Variants in PCDH15 observed in about 807,000 individuals in gnomAD.
PCDH15 encodes protocadherin-15.
Under a neutral mutation model 178.5 loss-of-function variants are expected in PCDH15, and 129 were observed. The observed-to-expected ratio is 0.72, with a 90% confidence interval of 0.63 to 0.84. PCDH15 has a LOEUF of 0.84. Ranked by LOEUF, PCDH15 falls within the 40% of genes least tolerant of loss-of-function variation. PCDH15 has a pLI of 0.00. For synonymous variants in PCDH15, 800 were observed against 732.0 expected, an observed-to-expected ratio of 1.09 and a Z score of -1.50; for missense variants, 2,230 against 2,099.9, an observed-to-expected ratio of 1.06 and a Z score of -1.21.
chr10:54,565,475 A>G (rs370657174), intron 2 of PCDH15, among the ~76,000 whole-genome samples: 7 of 152,104 alleles, frequency 4.6e-5, no homozygotes, highest in African/African-American at 9.7e-5. Context: ...TAACTATTGC[A>G]CTGTATTTAT....
chr10:55,463,704 C>A (rs1225416550), intron 2 of PCDH15, among the ~76,000 whole-genome samples: 1 of 151,810 alleles, frequency 6.6e-6, no homozygotes, highest in African/African-American at 2.4e-5. Context: ...GTCTTAACTT[C>A]AGCATTACAT....
chr10:54,714,786 T>TTC (rs2095460847), intron 1 of PCDH15, among the ~76,000 whole-genome samples: 2 of 152,154 alleles, frequency 1.3e-5, no homozygotes, highest in Non-Finnish European at 2.9e-5. Context: ...TCCCAAACTA[T>TTC]AACCTTTTGA....
At chr10:54,917,617 T>C (rs1837375059) in intron 2 of PCDH15, among the ~76,000 whole-genome samples, 1 of 152,178 alleles carries the variant, frequency 6.6e-6, no homozygotes, top group Non-Finnish European at 1.5e-5. Flanking sequence ...GGCTAGAAAC[T>C]ATGCTCTGTG....
chr10:53,931,800 C>A (rs897514916), intron 25 of PCDH15, among the ~76,000 whole-genome samples: 1 of 152,024 alleles, frequency 6.6e-6, no homozygotes, highest in East Asian at 1.9e-4. Context: ...TCTAATACTC[C>A]AAATTTCATT....
intron 2 of PCDH15, among the ~76,000 whole-genome samples, chr10:55,364,860 G>T (rs535910989): frequency 1.3e-5 from 2 of 151,902 alleles, no homozygotes; most frequent in East Asian, 1.9e-4. Context: ...CTGCTATTGA[G>T]CCCTGTATTT....
chr10:55,516,758 C>A (rs532676881), intron 2 of PCDH15, among the ~76,000 whole-genome samples: 1 of 152,142 alleles, frequency 6.6e-6, no homozygotes, highest in Admixed American at 6.5e-5. Flanking sequence ...ATATTTAGTG[C>A]TTTGTGACTG....
intron 30 of PCDH15, among the ~76,000 whole-genome samples, chr10:53,829,771 A>G (rs554441008): frequency 2.6e-5 from 4 of 152,312 alleles, no homozygotes; most frequent in Non-Finnish European, 5.9e-5. Flanking sequence ...GAATGGAGTC[A>G]TGCAGCAAGC....
intron 21 of PCDH15, among the ~76,000 whole-genome samples, chr10:53,986,337 T>C (rs949706647): frequency 1.3e-5 from 2 of 152,184 alleles, no homozygotes; most frequent in Non-Finnish European, 2.9e-5. Flanking sequence ...TTAGCAAGAA[T>C]GTGAAGAAAT....
In PCDH15 at chr10:54,574,904, T is replaced by G. The variant is rs564925785; in HGVS notation, c.92-47027A>C. On this transcript the variant is annotated intron_variant, in intron 2 of 37. Transcript: ENST00000644397. ...AGCAAAGACTTGGAACCAACCCAAA[T>G]GTCCAACAATGATAGACTGGATTAA... 1.8e-3 allele frequency among the ~76,000 whole-genome samples: 268 copies of G among 146,772 alleles called. 1 individual carries two copies. Among genetic ancestry groups the G allele is most frequent in the African/African-American group, 6.6e-3 (263 of 40,114 alleles).
intron 2 of PCDH15, among the ~76,000 whole-genome samples, chr10:55,474,860 A>C (rs1174337801): frequency 6.6e-6 from 1 of 152,124 alleles, no homozygotes; most frequent in African/African-American, 2.4e-5. Context: ...TTCTGCCTTC[A>C]AAATATACTC....
At chr10:55,260,386 G>C (rs1438142698) in intron 1 of PCDH15, among the ~76,000 whole-genome samples, 1 of 151,648 alleles carries the variant, frequency 6.6e-6, no homozygotes, top group Non-Finnish European at 1.5e-5. Context: ...AGAGATGCTG[G>C]TAAGCAAAAA....
intron 2 of PCDH15, among the ~76,000 whole-genome samples, chr10:55,077,937 T>C (rs1841950163): frequency 6.6e-6 from 1 of 152,232 alleles, no homozygotes; most frequent in Non-Finnish European, 1.5e-5. Flanking sequence ...TTGTATATTC[T>C]CATGATGGCA....
At chr10:55,250,095 T>G (rs564320627) in intron 1 of PCDH15, among the ~76,000 whole-genome samples, 3 of 152,134 alleles carry the variant, frequency 2.0e-5, no homozygotes, top group South Asian at 2.1e-4. Flanking sequence ...GTTTTTCTTA[T>G]TCTGCTTAGA....
intron 13 of PCDH15, among the ~76,000 whole-genome samples, chr10:54,178,516 A>C (rs1172190884): frequency 6.6e-6 from 1 of 152,128 alleles, no homozygotes; most frequent in Admixed American, 6.6e-5. Flanking sequence ...AAAATAGAAT[A>C]ATTGGTGGAG....
At chr10:54,031,322 C>T (rs2093287923) in intron 18 of PCDH15, among the ~76,000 whole-genome samples, 1 of 151,932 alleles carries the variant, frequency 6.6e-6, no homozygotes, top group Non-Finnish European at 1.5e-5. Flanking sequence ...ATCTGGGAAA[C>T]CTCTTCTTTC....
intron 1 of PCDH15, among the ~76,000 whole-genome samples, chr10:55,308,553 C>G (rs1843490880): frequency 6.6e-6 from 1 of 152,118 alleles, no homozygotes; most frequent in Non-Finnish European, 1.5e-5. Context: ...ATACAGAGAT[C>G]AGAGCATTGA....
At chr10:54,579,642 G>A (rs996195519) in intron 2 of PCDH15, among the ~76,000 whole-genome samples, 21 of 151,860 alleles carry the variant, frequency 1.4e-4, no homozygotes, top group Admixed American at 2.6e-4. Context: ...CCTAGTAGAC[G>A]TTACAGAGCA....
intron 3 of PCDH15, among the ~76,000 whole-genome samples, chr10:54,438,387 C>T (rs2075575609): frequency 6.7e-6 from 1 of 149,442 alleles, no homozygotes; most frequent in African/African-American, 2.5e-5. Flanking sequence ...TCTGTGCTAC[C>T]TATTTGTTAA....
At chr10:53,866,306 C>T (rs1305086580) in intron 27 of PCDH15, among the ~76,000 whole-genome samples, 1 of 151,946 alleles carries the variant, frequency 6.6e-6, no homozygotes, top group Admixed American at 6.6e-5. Context: ...TAGCACTGGA[C>T]ACCCTATATT....
Sources: gnomAD v4.1 joint callset for allele counts (sites outside exome capture counted in the v4.1 genomes callset) on GRCh38, gnomAD v4.1.1 for gene constraint, MANE v1.5 for transcripts, NCBI Gene and HGNC (gene_info 2026-07-23, HGNC 2026-07-21) for gene names.